Variants in NAALADL2 observed in about 807,000 individuals in gnomAD.
NAALADL2 encodes N-acetylated alpha-linked acidic dipeptidase like 2, also known as inactive N-acetylated-alpha-linked acidic dipeptidase-like protein 2.
A neutral mutation model predicts 87.2 loss-of-function variants in NAALADL2; 76 were observed. The observed-to-expected ratio is 0.87, with a 90% confidence interval of 0.72 to 1.05. NAALADL2 has a LOEUF of 1.05. Ranked by LOEUF, NAALADL2 falls within the 50% of genes least tolerant of loss-of-function variation. The pLI is 0.00. For missense variants in NAALADL2, 1,089 were observed against 945.8 expected (o/e 1.15, Z -1.99); for synonymous variants, 354 against 331.0 (o/e 1.07, Z -0.75).
At chr3:175,525,626 A>G (rs1029092965) in intron 9 of NAALADL2, among the ~76,000 whole-genome samples, 12 of 152,016 alleles carry the variant, frequency 7.9e-5, no homozygotes, top group African/African-American at 2.7e-4. Flanking sequence ...AGAATTAGTC[A>G]AAGTTGAGTG....
intron 4 of NAALADL2, among the ~76,000 whole-genome samples, chr3:175,295,730 C>A (rs1206091159): frequency 6.6e-6 from 1 of 151,502 alleles, no homozygotes; most frequent in Non-Finnish European, 1.5e-5. Flanking sequence ...CACACACACA[C>A]ACACACACAC....
chr3:175,143,313 G>T (rs952635666), intron 2 of NAALADL2, among the ~76,000 whole-genome samples: 3 of 151,832 alleles, frequency 2.0e-5, no homozygotes, highest in African/African-American at 7.3e-5. Flanking sequence ...AAGATAAATT[G>T]CAGTGATATA....
chr3:174,810,915 G>A (rs573127035), intron 3 of NAALADL2, among the ~76,000 whole-genome samples: 7 of 152,294 alleles, frequency 4.6e-5, no homozygotes, highest in Admixed American at 3.9e-4. Context: ...GCCACCCTGT[G>A]CAGCCTTAGG....
At chr3:174,927,747 G>A (rs1024034103) in intron 1 of NAALADL2, among the ~76,000 whole-genome samples, 3 of 152,172 alleles carry the variant, frequency 2.0e-5, no homozygotes, top group Admixed American at 1.3e-4. Context: ...ATGGCCACAA[G>A]AGAAAGCAGG....
rs555196085 is a variant in NAALADL2 at position 175,335,928 on chromosome 3, A to C, written c.1090+11603A>C. On this transcript the variant is annotated intron_variant, in intron 5 of 13. Coordinates refer to ENST00000454872, the MANE Select transcript of NAALADL2 (RefSeq NM_207015.3). ...CTTTGGTCGCTCTTTTAAATGTGAA[A>C]ATAGCTCTGTCTGCTGGAAACGTGT... 2.0e-5 allele frequency among the ~76,000 whole-genome samples: 3 copies of C among 152,240 alleles called. No individual in the cohort carries two copies. In the South Asian group the frequency reaches 6.2e-4, roughly 32 times the overall value.
At chr3:175,730,767 T>C (rs886757293) in intron 11 of NAALADL2, among the ~76,000 whole-genome samples, 15 of 152,052 alleles carry the variant, frequency 9.9e-5, no homozygotes, top group African/African-American at 2.7e-4. Flanking sequence ...TTATTTCTAA[T>C]TTATTCTTCC....
At chr3:175,353,276 G>T (rs1429368306) in intron 5 of NAALADL2, among the ~76,000 whole-genome samples, 1 of 151,732 alleles carries the variant, frequency 6.6e-6, no homozygotes, top group African/African-American at 2.4e-5. Flanking sequence ...AGAGGTTGAG[G>T]TCGGAGGATC....
intron 11 of NAALADL2, among the ~76,000 whole-genome samples, chr3:175,695,477 A>G (rs945035646): frequency 6.6e-6 from 1 of 152,188 alleles, no homozygotes; most frequent in Non-Finnish European, 1.5e-5. Flanking sequence ...AGTAATGTTC[A>G]TAGTGAGGTT....
chr3:174,865,611 A>T (rs1683936281), intron 1 of NAALADL2, among the ~76,000 whole-genome samples: 1 of 151,976 alleles, frequency 6.6e-6, no homozygotes, highest in African/African-American at 2.4e-5. Flanking sequence ...GCTTTCAGAG[A>T]TGGAGAAATA....
At chr3:175,220,918 G>A (rs1743258952) in intron 2 of NAALADL2, among the ~76,000 whole-genome samples, 1 of 152,090 alleles carries the variant, frequency 6.6e-6, no homozygotes, top group Admixed American at 6.6e-5. Context: ...ATTTTAGGCT[G>A]GGCGTGGTGG....
intron 2 of NAALADL2, among the ~76,000 whole-genome samples, chr3:175,129,606 G>A (rs1727495172): frequency 6.6e-6 from 1 of 152,118 alleles, no homozygotes; most frequent in Non-Finnish European, 1.5e-5. Context: ...TTCAGATTAA[G>A]ATATGTTATT....
At chr3:174,850,563 A>G (rs1725131068) in intron 3 of NAALADL2, among the ~76,000 whole-genome samples, 1 of 152,190 alleles carries the variant, frequency 6.6e-6, no homozygotes, top group Non-Finnish European at 1.5e-5. Flanking sequence ...ATTAAGCTGG[A>G]GGATTCAACA....
intron 13 of NAALADL2, among the ~76,000 whole-genome samples, chr3:175,790,739 A>G (rs1418113006): frequency 6.6e-6 from 1 of 152,212 alleles, no homozygotes; most frequent in East Asian, 1.9e-4. Context: ...ATACTTGAAC[A>G]ACACTTTCAA....
At chr3:174,628,338 G>A (rs1465264247) in intron 2 of NAALADL2, among the ~76,000 whole-genome samples, 3 of 151,860 alleles carry the variant, frequency 2.0e-5, no homozygotes, top group African/African-American at 4.8e-5. Flanking sequence ...TTAGCTGGGT[G>A]TGGTGGTAGT....
In NAALADL2 at chr3:174,706,118, T is replaced by A. The variant is rs144753891; in HGVS notation, c.-114-31523T>A. Among the ~76,000 whole-genome samples the A allele has an allele frequency of 8.6e-4, 131 of 152,318 alleles. 1 individual carries two copies. Among genetic ancestry groups the A allele is most frequent in the African/African-American group, 2.9e-3 (121 of 41,566 alleles). ...TTAGTAAAAGTTTAATGTAAACACA[T>A]GTAAAACAACAATAAAAATTTTGTT... On this transcript the variant is annotated intron_variant, in intron 2 of 3. Transcript: ENST00000434257.
At chr3:174,777,720 T>C (rs1327808855) in intron 3 of NAALADL2, among the ~76,000 whole-genome samples, 1 of 152,048 alleles carries the variant, frequency 6.6e-6, no homozygotes. Context: ...AAATGAAAAA[T>C]ATAGCCAACA....
At chr3:175,493,069 T>C in intron 9 of NAALADL2, among the ~76,000 whole-genome samples, 1 of 152,212 alleles carries the variant, frequency 6.6e-6, no homozygotes, top group South Asian at 2.1e-4. Flanking sequence ...ATATTTATAT[T>C]CATATAAATA....
At chr3:175,353,332 C>A (rs1023078957) in intron 5 of NAALADL2, among the ~76,000 whole-genome samples, 1 of 152,064 alleles carries the variant, frequency 6.6e-6, no homozygotes, top group Non-Finnish European at 1.5e-5. Flanking sequence ...CGTAGCAAGA[C>A]CCTTGCCTCT....
intron 3 of NAALADL2, among the ~76,000 whole-genome samples, chr3:174,843,779 G>A (rs1724282034): frequency 6.6e-6 from 1 of 151,984 alleles, no homozygotes. Context: ...CTGATGAATA[G>A]CGATGTTGAG....
Sources: allele counts gnomAD v4.1 joint callset (sites outside exome capture counted in the v4.1 genomes callset), GRCh38; gene constraint gnomAD v4.1.1; transcripts MANE v1.5; gene names NCBI Gene and HGNC (gene_info 2026-07-23, HGNC 2026-07-21).